PABIR2: variants seen among roughly 807,000 people sequenced by gnomAD.
The protein encoded by PABIR2 is PABIR family member 2, also known as family with sequence similarity 122B.
In PABIR2, 7 loss-of-function variants were observed where a neutral mutation model predicts 22.8. That is an observed-to-expected ratio of 0.31 (90% CI 0.17 to 0.58). The LOEUF (loss-of-function observed/expected upper bound fraction) is 0.58. Ranked by LOEUF, PABIR2 falls within the 20% of genes least tolerant of loss-of-function variation. PABIR2 has a pLI of 0.89. For missense variants in PABIR2, 155 were observed against 205.1 expected (o/e 0.76, Z 1.49); for synonymous variants, 67 against 73.8 (o/e 0.91, Z 0.47).
intron 9 of PABIR2, among the ~76,000 whole-genome samples, chrX:134,781,088 G>C (rs1449494460): frequency 8.9e-6 from 1 of 112,562 alleles, no homozygotes; most frequent in Non-Finnish European, 1.9e-5. Flanking sequence ...CAGCCACCCA[G>C]AGACTCTTTC....
At chrX:134,778,042 C>T (rs1299581805) in intron 9 of PABIR2, among the ~76,000 whole-genome samples, 9 of 103,901 alleles carry the variant, frequency 8.7e-5, no homozygotes, top group Admixed American at 8.2e-4. Flanking sequence ...TACAGGCATG[C>T]GCACCATGCC....
chrX:134,796,126 G>A lies in PABIR2; in HGVS notation c.80C>T (p.Pro27Leu). 1.7e-6 allele frequency: 2 copies of A among 1,210,773 alleles called. No individual in the cohort carries two copies. The highest frequency in any genetic ancestry group is 2.2e-6 in the Non-Finnish European group (2 of 895,104). The change falls in exon 1 of 10, where the codon CCC becomes CTC. Residue 27 changes from proline (P) to leucine (L), a missense_variant. By Grantham distance (98) the Pro-to-Leu change is moderately conservative. Transcript: ENST00000343004. ...GGTLRRSSSA[P>L]LIHGLSDLSQ... ...TGCTCACCTGAGCCCATGGATTAGG[G>A]GAGCGCTGCTGGATCTCCTCAGGGT...
chrX:134,793,933 T>C, intron 1 of PABIR2, 40 bp from the exon 2 acceptor site: 1 of 1,183,378 alleles, frequency 8.5e-7, no homozygotes, highest in Non-Finnish European at 1.1e-6. Context: ...AAAACAAAAT[T>C]AGTAATGTTT....
chrX:134,788,699 A>C, intron 6 of PABIR2, 31 bp downstream of exon 6: 1 of 1,149,586 alleles, frequency 8.7e-7, no homozygotes, highest in South Asian at 1.9e-5. Context: ...CAGTTTGTGA[A>C]ATACACTTAA....
intron 9 of PABIR2, 80 bp from the exon 10 acceptor site, chrX:134,772,363 C>T: frequency 1.1e-6 from 1 of 951,940 alleles, no homozygotes; most frequent in Non-Finnish European, 1.4e-6. Context: ...GTTTCAAGAG[C>T]TCACAAATCA....
At chrX:134,789,542 C>CA in intron 3 of PABIR2, 38 bp downstream of exon 3, 3 of 1,121,150 alleles carry the variant, frequency 2.7e-6, no homozygotes, top group Non-Finnish European at 3.5e-6. Context: ...ATGTAAAATC[C>CA]AAAAAATTTC....
Position 134,771,288 on chromosome X carries a change from T to C in PABIR2, c.*851A>G. Reference sequence around the variant, plus strand: ...ACAGTGGTTTGTGTGTAAATAACTATTCATTCATTTGTAGATGCTCCACAC... The same window carrying C: ...ACAGTGGTTTGTGTGTAAATAACTACTCATTCATTTGTAGATGCTCCACAC... On this transcript the variant is annotated 3_prime_UTR_variant, in exon 10 of 10. Coordinates refer to ENST00000343004, the MANE Select transcript of PABIR2 (RefSeq NM_001387468.1). 8.7e-7 allele frequency: 1 copy of C among 1,152,209 alleles called. No individual in the cohort carries two copies. The highest frequency in any genetic ancestry group is 1.8e-5 in the African/African-American group (1 of 56,043). The allele number at this position is 1,152,209 out of a possible 1,213,427, so 95.0% of individuals were successfully genotyped here.
At position 134,770,807 on chromosome X, in the gene PABIR2, T is replaced by C. The variant is rs2078826827; in HGVS notation, c.*1332A>G. 1 of 112,933 alleles carries C rather than the reference T, an allele frequency of 8.9e-6. No homozygotes were observed. Among genetic ancestry groups the C allele is most frequent in the African/African-American group, 3.2e-5 (1 of 31,008 alleles). The allele number at this position is 112,933 out of a possible 1,213,427, so 9.3% of individuals were successfully genotyped here. On this transcript the variant is annotated 3_prime_UTR_variant, in exon 10 of 10. Transcript: ENST00000343004. ...CCTCTTTTAAAAATTAAATAACTTA[T>C]GGTACCTCACACTTATAGCACATAC... is the stretch of plus-strand genomic sequence containing the variant.
At chrX:134,795,601 A>G (rs1297924887) in intron 1 of PABIR2, among the ~76,000 whole-genome samples, 1 of 112,454 alleles carries the variant, frequency 8.9e-6, no homozygotes, top group Non-Finnish European at 1.9e-5. Flanking sequence ...AGGCAGTTTT[A>G]GAACCTGAAA....
At chrX:134,784,421 G>A (rs1370695712) in intron 8 of PABIR2, among the ~76,000 whole-genome samples, 2 of 109,745 alleles carry the variant, frequency 1.8e-5, no homozygotes, top group African/African-American at 3.3e-5. Context: ...CCAAGATCAC[G>A]CCACTACACT....
At chrX:134,781,371 T>C (rs2079152364) in intron 9 of PABIR2, among the ~76,000 whole-genome samples, 1 of 112,327 alleles carries the variant, frequency 8.9e-6, no homozygotes, top group South Asian at 3.6e-4. Context: ...ATAATTTTAT[T>C]GAGCTAAACA....
chrX:134,780,916 C>G (rs2079140685), intron 9 of PABIR2, among the ~76,000 whole-genome samples: 1 of 112,763 alleles, frequency 8.9e-6, no homozygotes, highest in African/African-American at 3.2e-5. Context: ...AAAATGAAAC[C>G]TTAGCATTGT....
chrX:134,793,797 A>G lies in PABIR2; in HGVS notation c.177+18T>C, dbSNP rs774817115. 1.7e-6 allele frequency: 2 copies of G among 1,195,249 alleles called. No individual in the cohort carries two copies. Among genetic ancestry groups the G allele is most frequent in the Non-Finnish European group, 2.3e-6 (2 of 882,545 alleles). ...TTCCCCAATCTAAATCACTTCAGAT[A>G]CTTACTTCTATACTTACCAGGCTGT... On this transcript the variant is annotated intron_variant, in intron 2 of 9. Transcript: ENST00000343004.
rs899561340 is a variant in PABIR2, at chrX:134,787,352, G to A, written c.497+120C>T. On this transcript the variant is annotated intron_variant, in intron 7 of 9. Coordinates refer to ENST00000343004, the MANE Select transcript of PABIR2 (RefSeq NM_001387468.1). ...TGACCTCAGGTAATCCACCAGCCTC[G>A]GCCTTCCAAAGTGCTAGGATTACAG... 24 of 632,946 alleles carry A rather than the reference G, an allele frequency of 3.8e-5. No homozygotes were observed. In the Admixed American group the frequency reaches 4.3e-4, roughly 11 times the overall value. The allele number at this position is 632,946 out of a possible 1,213,427, so 52.2% of individuals were successfully genotyped here.
chrX:134,794,191 GC>G, intron 1 of PABIR2: 1 of 170,247 alleles, frequency 5.9e-6, no homozygotes, highest in Non-Finnish European at 9.4e-6. Flanking sequence ...TCAGAGCTAC[GC>G]CCCCAAACCG....
chrX:134,786,454 G>A (rs1245063551), intron 7 of PABIR2, among the ~76,000 whole-genome samples: 2 of 111,269 alleles, frequency 1.8e-5, no homozygotes, highest in Non-Finnish European at 3.8e-5. Flanking sequence ...GGAGGCAGAG[G>A]TTGCAGTGAG....
In PABIR2 at chrX:134,772,036, T is replaced by C. The variant is rs2078848016; in HGVS notation, c.*103A>G. The C allele has an allele frequency of 1.9e-6, 2 of 1,066,292 alleles. No individual in the cohort carries two copies. Among genetic ancestry groups the C allele is most frequent in the Non-Finnish European group, 2.4e-6 (2 of 819,917 alleles). 87.9% of individuals were successfully genotyped at this position (1,066,292 alleles called of 1,213,427 possible). A position where few individuals can be genotyped will look rare whatever the true frequency, so the allele number is the denominator to read the frequency against. On this transcript the variant is annotated 3_prime_UTR_variant, in exon 10 of 10. Transcript: ENST00000343004. ...TAATAGCATCAGAATGTGTGAAATC[T>C]GTAAAACTTTAATCCTCATTATGGA...
At chrX:134,777,524 CAAAA>C (rs1177263144) in intron 9 of PABIR2, among the ~76,000 whole-genome samples, 1 of 29,556 alleles carries the variant, frequency 3.4e-5, no homozygotes, top group African/African-American at 1.0e-4. Flanking sequence ...GATCTTGTAT[CAAAA>C]AAAAAAAAAA....
At chrX:134,777,832 G>A (rs768401968) in intron 9 of PABIR2, among the ~76,000 whole-genome samples, 9 of 108,830 alleles carry the variant, frequency 8.3e-5, no homozygotes, top group South Asian at 7.8e-4. Context: ...GCGAGACTCC[G>A]TCTCAAATAA....
Sources: gnomAD v4.1 joint callset for allele counts (sites outside exome capture counted in the v4.1 genomes callset) on GRCh38, gnomAD v4.1.1 for gene constraint, MANE v1.5 for transcripts, NCBI Gene and HGNC (gene_info 2026-07-23, HGNC 2026-07-21) for gene names.